The following KAZN variants were observed in gnomAD, a reference collection of about 807,000 sequenced individuals.
The protein encoded by KAZN is kazrin.
KAZN carries 40 observed loss-of-function variants against 87.4 expected under a neutral mutation model. That is an observed-to-expected ratio of 0.46 (90% CI 0.36 to 0.60). KAZN has a LOEUF of 0.60. Among genes scored for constraint, KAZN ranks in the 20% least tolerant of loss-of-function variants. KAZN has a pLI of 0.00. For synonymous variants in KAZN, 466 were observed against 458.3 expected, an observed-to-expected ratio of 1.02 and a Z score of -0.22; for missense variants, 898 against 1,073.9, an observed-to-expected ratio of 0.84 and a Z score of 2.29.
intron 1 of KAZN, among the ~76,000 whole-genome samples, chr1:14,034,062 GAACTGAGTTATTACCTAT>G (rs1462210849): frequency 1.3e-5 from 2 of 152,228 alleles, no homozygotes; most frequent in African/African-American, 2.4e-5. Context: ...TTTGATTGCT[GAACTGAGTTATTACCTAT>G]ACTAAGAATG....
At chr1:14,003,195 G>A (rs1639876581) in intron 1 of KAZN, among the ~76,000 whole-genome samples, 1 of 151,928 alleles carries the variant, frequency 6.6e-6, no homozygotes, top group Non-Finnish European at 1.5e-5. Context: ...ACACACCAGG[G>A]CCTGTTAGGG....
intron 2 of KAZN, among the ~76,000 whole-genome samples, chr1:15,009,952 C>T (rs1428896154): frequency 1.1e-4 from 16 of 145,968 alleles, no homozygotes; most frequent in Admixed American, 1.1e-3. Context: ...GAAACATAAC[C>T]TCCAAACTAT....
At position 14,087,295 on chromosome 1, in the gene KAZN, G is replaced by A. The variant is rs371783889; in HGVS notation, c.92-93140G>A. 1.5e-4 allele frequency among the ~76,000 whole-genome samples: 23 copies of A among 152,088 alleles called. No homozygotes were observed. In the East Asian group the frequency reaches 4.1e-3, roughly 27 times the overall value. On this transcript the variant is annotated intron_variant, in intron 1 of 16. Coordinates refer to the KAZN transcript ENST00000636203. The stretch of plus-strand genomic sequence containing the variant: ...GCAATATATAGAAATACAAATTATT[G>A]TTGTATAGTGACCTTTTATCTTCTG...
chr1:14,998,408 G>A (rs60132173), intron 2 of KAZN, among the ~76,000 whole-genome samples: 1 of 60,262 alleles, frequency 1.7e-5, no homozygotes, highest in Non-Finnish European at 2.7e-5. Context: ...TGTATGTGGC[G>A]GGGGGACTTT....
At chr1:13,931,144 T>C (rs888427622) in intron 1 of KAZN, among the ~76,000 whole-genome samples, 17 of 152,246 alleles carry the variant, frequency 1.1e-4, no homozygotes, top group Non-Finnish European at 2.5e-4. Context: ...TTTATCTCTG[T>C]TCATGCTGGA....
chr1:14,114,669 G>C lies in KAZN; in HGVS notation c.92-65766G>C, dbSNP rs115279260. Reference sequence around the variant, plus strand: ...ATAGATTTATCTTTTCACATATCAGGTTGGAAAACTGATTAGATGGAAACT... The same window carrying C: ...ATAGATTTATCTTTTCACATATCAGCTTGGAAAACTGATTAGATGGAAACT... On this transcript the variant is annotated intron_variant, in intron 1 of 16. Coordinates refer to the KAZN transcript ENST00000636203. Among the ~76,000 whole-genome samples the C allele has an allele frequency of 6.3e-3, 966 of 152,202 alleles. 20 individuals carry two copies. Among genetic ancestry groups the C allele is most frequent in the African/African-American group, 0.022 (929 of 41,508 alleles).
chr1:14,029,952 A>G (rs571094824), intron 1 of KAZN, among the ~76,000 whole-genome samples: 4 of 152,342 alleles, frequency 2.6e-5, no homozygotes, highest in African/African-American at 4.8e-5. Flanking sequence ...TGCCTTGGCA[A>G]TGCAGGCTCT....
At chr1:14,597,408 G>A (rs1332305446), upstream of KAZN, among the ~76,000 whole-genome samples, 1 of 152,194 alleles carries the variant, frequency 6.6e-6, no homozygotes. Flanking sequence ...GGCGCAGCAG[G>A]AGGAACTTGC....
chr1:15,006,356 A>G (rs1188744982), intron 2 of KAZN, among the ~76,000 whole-genome samples: 3 of 152,218 alleles, frequency 2.0e-5, no homozygotes, highest in Non-Finnish European at 4.4e-5. Flanking sequence ...GTCACCTAGC[A>G]GCTACCTTGC....
At chr1:14,683,687 C>A (rs572415160) in intron 1 of KAZN, among the ~76,000 whole-genome samples, 3 of 152,204 alleles carry the variant, frequency 2.0e-5, no homozygotes, top group African/African-American at 4.8e-5. Context: ...TCCCAGCCCC[C>A]CTATCTGGTA....
intron 2 of KAZN, among the ~76,000 whole-genome samples, chr1:14,183,915 G>A (rs1317256546): frequency 1.3e-5 from 1 of 74,888 alleles, no homozygotes; most frequent in East Asian, 4.4e-4. Context: ...ACCTAAGGAG[G>A]CTGCCCTGGG....
chr1:14,938,270 G>A (rs748801851), intron 1 of KAZN, among the ~76,000 whole-genome samples: 7 of 152,178 alleles, frequency 4.6e-5, no homozygotes, highest in Admixed American at 1.3e-4. Flanking sequence ...GGCCGGATGC[G>A]GTGGCTCACG....
At chr1:15,069,668 C>A (rs941879450) in intron 8 of KAZN, among the ~76,000 whole-genome samples, 22 of 152,322 alleles carry the variant, frequency 1.4e-4, no homozygotes, top group African/African-American at 5.3e-4. Flanking sequence ...TTCTCCAGGA[C>A]CTTGCTCCAA....
chr1:14,038,825 C>A (rs967979996), intron 1 of KAZN, among the ~76,000 whole-genome samples: 1 of 152,112 alleles, frequency 6.6e-6, no homozygotes, highest in Non-Finnish European at 1.5e-5. Flanking sequence ...TTCCAATTCC[C>A]TTTACAAATA....
chr1:14,093,537 C>T (rs1363880894), intron 1 of KAZN, among the ~76,000 whole-genome samples: 1 of 152,048 alleles, frequency 6.6e-6, no homozygotes, highest in African/African-American at 2.4e-5. Flanking sequence ...TAAGGAGATT[C>T]CTCTTGCTTC....
At chr1:13,903,311 G>A (rs1639315549) in intron 1 of KAZN, among the ~76,000 whole-genome samples, 1 of 152,208 alleles carries the variant, frequency 6.6e-6, no homozygotes, top group South Asian at 2.1e-4. Flanking sequence ...TTCTAAGTAT[G>A]TAAGGAATGA....
At position 15,110,041 on chromosome 1, in the gene KAZN, G is replaced by GTA. The variant is rs138104181; in HGVS notation, c.2049-2376_2049-2375dup. ...GTGTAGATGGTGTTTGTGTATGTGT[G>GTA]TATATATATATGTGCGTGTGTGTGC... On this transcript the variant is annotated intron_variant, in intron 13 of 14. Transcript: ENST00000376030. Among the ~76,000 whole-genome samples the GTA allele has an allele frequency of 2.4e-3, 360 of 151,010 alleles. 2 individuals carry two copies. Among genetic ancestry groups the GTA allele is most frequent in the African/African-American group, 7.4e-3 (305 of 41,148 alleles).
intron 8 of KAZN, among the ~76,000 whole-genome samples, chr1:15,070,789 C>T (rs1321097388): frequency 6.6e-6 from 1 of 152,112 alleles, no homozygotes; most frequent in Admixed American, 6.5e-5. Flanking sequence ...TGCAATGAGC[C>T]GAGATCGAGC....
At chr1:14,038,925 G>A (rs1460031507) in intron 1 of KAZN, among the ~76,000 whole-genome samples, 1 of 152,122 alleles carries the variant, frequency 6.6e-6, no homozygotes, top group African/African-American at 2.4e-5. Flanking sequence ...CAGCACTTTG[G>A]GAGGCTGAGG....
Sources: gnomAD v4.1 joint callset for allele counts (sites outside exome capture counted in the v4.1 genomes callset) on GRCh38, gnomAD v4.1.1 for gene constraint, MANE v1.5 for transcripts, NCBI Gene and HGNC (gene_info 2026-07-23, HGNC 2026-07-21) for gene names.